Variants in PPP4R1 observed in about 807,000 individuals in gnomAD.
The protein encoded by PPP4R1 is protein phosphatase 4 regulatory subunit 1, also known as serine/threonine-protein phosphatase 4 regulatory subunit 1.
In PPP4R1, 42 loss-of-function variants were observed where a neutral mutation model predicts 111.2. The observed-to-expected ratio is 0.38, with a 90% CI of 0.29 to 0.49. The LOEUF (loss-of-function observed/expected upper bound fraction) is 0.49, where lower values mean the gene tolerates loss of function less well. PPP4R1 is among the 20% of genes least tolerant of loss of function. PPP4R1 has a pLI of 0.97. For missense variants in PPP4R1, 1,012 were observed against 1,161.6 expected, an observed-to-expected ratio of 0.87 and a Z score of 1.87; for synonymous variants, 409 against 405.5, an observed-to-expected ratio of 1.01 and a Z score of -0.10.
chr18:9,558,005 T>A (rs918836509), intron 14 of PPP4R1, among the ~76,000 whole-genome samples: 1 of 152,182 alleles, frequency 6.6e-6, no homozygotes, highest in East Asian at 1.9e-4. Context: ...AATATAAGAC[T>A]AGGGAAATCA....
chr18:9,596,793 A>G (rs1053416315), intron 2 of PPP4R1, among the ~76,000 whole-genome samples: 2 of 152,244 alleles, frequency 1.3e-5, no homozygotes, highest in African/African-American at 4.8e-5. Flanking sequence ...TGACTACTTT[A>G]AACAGATAAC....
At chr18:9,563,266 C>G in intron 12 of PPP4R1, 112 bp downstream of exon 12, 1 of 1,317,758 alleles carries the variant, frequency 7.6e-7, no homozygotes, top group Non-Finnish European at 1.0e-6. Context: ...GCTAAAAAAT[C>G]AGCAACAAAC....
rs150273137 is a variant in PPP4R1 at position 9,550,514 on chromosome 18, C to T, written c.2292-116G>A. On this transcript the variant is annotated intron_variant, in intron 16 of 19. Coordinates refer to ENST00000400556, the MANE Select transcript of PPP4R1 (RefSeq NM_001042388.3). ...TTACTGAGCACCTGTCTCAAACATA[C>T]GCAAAGAGGAGTGATTAAGCAGACC... 648 of 1,213,936 alleles carry T rather than the reference C, an allele frequency of 5.3e-4. 2 individuals are homozygous for T. In the Middle Eastern group the frequency reaches 5.8e-3, roughly 11 times the overall value. 75.2% of individuals were successfully genotyped at this position (1,213,936 alleles called of 1,614,324 possible).
chr18:9,559,654 G>C, intron 13 of PPP4R1, 50 bp from the exon 14 acceptor site: 3 of 1,409,378 alleles, frequency 2.1e-6, no homozygotes, highest in Non-Finnish European at 2.9e-6. Flanking sequence ...GATGCATTTT[G>C]AGCAGTTTAG....
chr18:9,549,744 T>C (rs2066458579), intron 18 of PPP4R1: 2 of 509,976 alleles, frequency 3.9e-6, no homozygotes, highest in Non-Finnish European at 7.1e-6. Context: ...GAAATGTACA[T>C]ATACACACGT....
At chr18:9,576,785 A>G (rs2066942627) in intron 10 of PPP4R1, among the ~76,000 whole-genome samples, 1 of 152,192 alleles carries the variant, frequency 6.6e-6, no homozygotes, top group South Asian at 2.1e-4. Context: ...CATTTTTTAA[A>G]AGTCATAATC....
chr18:9,588,593 A>G, intron 5 of PPP4R1, 118 bp downstream of exon 5: 1 of 1,111,574 alleles, frequency 9.0e-7, no homozygotes, highest in Non-Finnish European at 1.2e-6. Flanking sequence ...CTTGTCTAAG[A>G]TAAATATTCA....
intron 15 of PPP4R1, among the ~76,000 whole-genome samples, chr18:9,555,649 G>A (rs1051666066): frequency 9.2e-5 from 14 of 152,046 alleles, no homozygotes; most frequent in African/African-American, 1.7e-4. Context: ...AAAAAACCCC[G>A]CTTACTCAGA....
At chr18:9,596,678 GA>G (rs1194711771) in intron 2 of PPP4R1, among the ~76,000 whole-genome samples, 2 of 152,180 alleles carry the variant, frequency 1.3e-5, no homozygotes, top group African/African-American at 4.8e-5. Context: ...ATGAGAGACA[GA>G]AAAGATTCAT....
chr18:9,550,728 A>C, intron 16 of PPP4R1: 1 of 215,786 alleles, frequency 4.6e-6, no homozygotes, highest in South Asian at 7.6e-5. Context: ...ACAGTTTGGA[A>C]TGTGCTGAGA....
intron 14 of PPP4R1, among the ~76,000 whole-genome samples, chr18:9,557,964 A>C (rs1666530758): frequency 6.6e-6 from 1 of 152,228 alleles, no homozygotes. Context: ...AGAACAATAA[A>C]ATTTGTTTTT....
chr18:9,579,517 CGTGTGT>C lies in PPP4R1; in HGVS notation c.919-2332_919-2327del, dbSNP rs3974278. Among the ~76,000 whole-genome samples, 391 of 147,864 alleles carry C rather than the reference CGTGTGT, an allele frequency of 2.6e-3. 1 individual carries two copies. The highest frequency in any genetic ancestry group is 6.0e-3 in the East Asian group (30 of 5,002). ...CACCTAAATAGGCATAGGATTTACA[CGTGTGT>C]GTGTGTGTGTGTGTGTGTGTGTGTA... is the stretch of plus-strand genomic sequence containing the variant. On this transcript the variant is annotated intron_variant, in intron 9 of 19. Coordinates refer to ENST00000400556, the MANE Select transcript of PPP4R1 (RefSeq NM_001042388.3).
intron 2 of PPP4R1, among the ~76,000 whole-genome samples, chr18:9,611,128 C>A (rs943637879): frequency 1.5e-4 from 23 of 152,216 alleles, no homozygotes; most frequent in Admixed American, 1.4e-3. Context: ...AACTTACTGT[C>A]TCTTCCCTCA....
intron 3 of PPP4R1, 148 bp from the exon 4 acceptor site, chr18:9,594,022 G>A (rs1169544827): frequency 3.2e-6 from 2 of 630,058 alleles, no homozygotes; most frequent in African/African-American, 3.6e-5. Flanking sequence ...TGACTTCCCT[G>A]GCTCAGGTAA....
Position 9,614,480 on chromosome 18 carries a change from G to A in PPP4R1, c.5C>T (p.Ala2Val). 1 of 1,033,018 alleles carries A rather than the reference G, an allele frequency of 9.7e-7. No individual in the cohort carries two copies. The highest frequency in any genetic ancestry group is 7.3e-5 in the East Asian group (1 of 13,610). The allele number at this position is 1,033,018 out of a possible 1,614,324, so 64.0% of individuals were successfully genotyped here. Residue 2 changes from alanine to valine, a missense_variant and splice_region_variant, in exon 1 of 20, where the codon GCG (alanine) becomes GTG (valine). Coordinates refer to ENST00000400556, the MANE Select transcript of PPP4R1 (RefSeq NM_001042388.3). This position sits in a 1 kb window ranked among gnomAD's most constrained non-coding sequence, Gnocchi z 4.1. M[A>V]DLSLLQEDLQ... ...CCGGAGAACAGGGGGCCACGTACCC[G>A]CCATCTTGTGGTCGCCCCCTCCTCC...
intron 2 of PPP4R1, among the ~76,000 whole-genome samples, chr18:9,608,349 T>C (rs2067519792): frequency 6.6e-6 from 1 of 152,212 alleles, no homozygotes; most frequent in African/African-American, 2.4e-5. Context: ...CCAGTGTTCT[T>C]TCCCCTACAC....
chr18:9,562,976 G>C, intron 12 of PPP4R1: 2 of 998,138 alleles, frequency 2.0e-6, no homozygotes, highest in Non-Finnish European at 2.4e-6. Flanking sequence ...ATGGCCTCAA[G>C]TCCCGATCTT....
Position 9,602,705 on chromosome 18 carries a change from C to T in PPP4R1, c.53-7552G>A, listed in dbSNP as rs144296631. On this transcript the variant is annotated intron_variant, in intron 2 of 19. Coordinates refer to ENST00000400556, the MANE Select transcript of PPP4R1 (RefSeq NM_001042388.3). ...TGAAATCCCATCTCTTCTAAAAATA[C>T]AAAAATTAGCTGGGCTAAAACAGGA... is the stretch of plus-strand genomic sequence containing the variant. Among the ~76,000 whole-genome samples the T allele has an allele frequency of 5.3e-5, 8 of 151,846 alleles. No individual in the cohort carries two copies. In the East Asian group the frequency reaches 1.5e-3, roughly 29 times the overall value.
upstream of PPP4R1, among the ~76,000 whole-genome samples, chr18:9,616,935 T>C (rs1432978662): frequency 3.3e-5 from 5 of 152,346 alleles, no homozygotes; most frequent in East Asian, 5.8e-4. Context: ...TTAAGCAATA[T>C]GGTTTTTAGA....
Sources: allele counts gnomAD v4.1 joint callset (sites outside exome capture counted in the v4.1 genomes callset), GRCh38; gene constraint gnomAD v4.1.1; non-coding constraint Gnocchi (gnomAD v3.1); transcripts MANE v1.5; gene names NCBI Gene and HGNC (gene_info 2026-07-23, HGNC 2026-07-21).